The following FKBP9 variants were observed in gnomAD, a reference collection of about 807,000 sequenced individuals.
FKBP9 encodes the protein FKBP prolyl isomerase 9.
In FKBP9, 27 loss-of-function variants were observed where a neutral mutation model predicts 55.6. That is an observed-to-expected ratio of 0.49 (90% CI 0.36 to 0.67). The LOEUF is 0.67. FKBP9 is among the 30% of genes least tolerant of loss of function. The probability of loss-of-function intolerance (pLI) is 0.00; values close to 1 mark genes in which losing one functional copy is unlikely to be tolerated. For missense variants in FKBP9, 539 were observed against 742.8 expected (o/e 0.73, Z 3.19); for synonymous variants, 267 against 296.5 (o/e 0.90, Z 1.02).
intron 1 of FKBP9, among the ~76,000 whole-genome samples, chr7:32,965,843 A>ATATATGTG (rs1309792242): frequency 5.1e-4 from 21 of 41,404 alleles, no homozygotes; most frequent in African/African-American, 2.0e-3. Flanking sequence ...ATATATATAT[A>ATATATGTG]TGTGTGTACA....
intron 5 of FKBP9, among the ~76,000 whole-genome samples, chr7:32,982,415 G>A (rs187837043): frequency 6.6e-6 from 1 of 152,244 alleles, no homozygotes; most frequent in Non-Finnish European, 1.5e-5. Context: ...AGTATTACTA[G>A]GGAACAAGGT....
chr7:32,983,773 T>G (rs1182731950), intron 5 of FKBP9, among the ~76,000 whole-genome samples: 1 of 152,222 alleles, frequency 6.6e-6, no homozygotes, highest in Non-Finnish European at 1.5e-5. Flanking sequence ...GAGAAAACAA[T>G]GATACCTGTG....
intron 5 of FKBP9, 113 bp downstream of exon 5, chr7:32,980,666 T>C: frequency 6.9e-7 from 1 of 1,454,412 alleles, no homozygotes; most frequent in Non-Finnish European, 9.2e-7. Context: ...GTTGGCATTT[T>C]CATCTCTAAT....
At chr7:32,996,393 C>G (rs1784786824) in intron 7 of FKBP9, 44 bp downstream of exon 7, 1 of 1,361,684 alleles carries the variant, frequency 7.3e-7, no homozygotes, top group Non-Finnish European at 1.0e-6. Context: ...TGGAGGGTGA[C>G]AGTTGCATGC....
intron 1 of FKBP9, 71 bp downstream of exon 1, chr7:32,957,865 C>T: frequency 8.7e-7 from 1 of 1,153,032 alleles, no homozygotes. Context: ...GCCTTTCCCT[C>T]CTGCCGGACC....
chr7:33,004,376 C>T (rs1412937540), intron 9 of FKBP9, among the ~76,000 whole-genome samples: 9 of 152,130 alleles, frequency 5.9e-5, no homozygotes, highest in African/African-American at 1.7e-4. Flanking sequence ...ACCTCTTTGC[C>T]GGCTGTCTCC....
intron 4 of FKBP9, chr7:32,979,521 G>T (rs1254656674): frequency 3.9e-6 from 6 of 1,550,498 alleles, no homozygotes; most frequent in Non-Finnish European, 5.2e-6. Context: ...AAGGAGCTCA[G>T]GCTTGGCGGC....
At chr7:32,983,504 A>G (rs1156434268) in intron 5 of FKBP9, among the ~76,000 whole-genome samples, 3 of 137,142 alleles carry the variant, frequency 2.2e-5, no homozygotes, top group Non-Finnish European at 3.1e-5. Flanking sequence ...TGATAGAGAC[A>G]GGGTTTTGCC....
Position 33,001,133 on chromosome 7 carries a change from A to C in FKBP9, c.1372+873A>C, listed in dbSNP as rs2392190. 8.2e-3 allele frequency among the ~76,000 whole-genome samples: 1,248 copies of C among 152,186 alleles called. 12 individuals carry two copies. The highest frequency in any genetic ancestry group is 0.037 in the Middle Eastern group (11 of 294). ...CTGCTGATATCTGGACATGGAGGAG[A>C]TAGGAAGAGCTAACTGGTAACAATG... is the stretch of plus-strand genomic sequence containing the variant. On this transcript the variant is annotated intron_variant, in intron 8 of 9. Transcript: ENST00000242209.
In FKBP9 at chr7:32,990,977, C is replaced by T. The variant is rs186956746; in HGVS notation, c.1039+2325C>T. Reference sequence around the variant, plus strand: ...TGATTGATTAAACCACAACAGATCACAGCTTAAGATCCATTCGACAGGGCT... The same window carrying T: ...TGATTGATTAAACCACAACAGATCATAGCTTAAGATCCATTCGACAGGGCT... On this transcript the variant is annotated intron_variant, in intron 6 of 9. Transcript: ENST00000242209. 3.3e-5 allele frequency among the ~76,000 whole-genome samples: 5 copies of T among 152,310 alleles called. No individual in the cohort carries two copies. The East Asian group carries it at 9.7e-4, about 29-fold the overall frequency.
At chr7:32,960,104 T>C (rs917860894) in intron 1 of FKBP9, among the ~76,000 whole-genome samples, 2 of 134,868 alleles carry the variant, frequency 1.5e-5, no homozygotes, top group Non-Finnish European at 3.1e-5. Context: ...ACACTTGTAC[T>C]TGTCTTTTTT....
chr7:32,965,731 G>A (rs1408159305), intron 1 of FKBP9, among the ~76,000 whole-genome samples: 1 of 144,260 alleles, frequency 6.9e-6, no homozygotes, highest in African/African-American at 2.6e-5. Flanking sequence ...CCGGGAGGTG[G>A]AGGTTGCAGT....
At chr7:32,982,961 G>A (rs1784507860) in intron 5 of FKBP9, among the ~76,000 whole-genome samples, 1 of 149,410 alleles carries the variant, frequency 6.7e-6, no homozygotes, top group Middle Eastern at 3.2e-3. Context: ...TACATCGCTA[G>A]AAGAATCTCT....
intron 1 of FKBP9, among the ~76,000 whole-genome samples, chr7:32,961,202 G>T (rs572601559): frequency 1.1e-4 from 16 of 152,174 alleles, no homozygotes; most frequent in Non-Finnish European, 2.1e-4. Context: ...AAGACCCAAG[G>T]ATGATGAAAA....
In FKBP9 at chr7:32,988,620, C is replaced by T. The variant is rs745430914; in HGVS notation, c.1007C>T (p.Pro336Leu). The T allele has an allele frequency of 2.5e-6, 4 of 1,613,938 alleles. No individual in the cohort carries two copies. The highest frequency in any genetic ancestry group is 2.2e-5 in the East Asian group (1 of 44,882). Residue 336 changes from proline to leucine, a missense_variant, in exon 6 of 10, where the codon CCG becomes CTG. Around this residue, in one of 4 missense-constraint regions of FKBP9, gnomAD observed 172 missense variants for 205.3 expected, o/e 0.84. Transcript: ENST00000242209. The stretch of plus-strand genomic sequence containing the variant: ...GGAGAAAAGCGAAGGATTGTGGTCC[C>T]GCCTCACCTGGGGTATGGAGAGGAA... Reference protein sequence around the residue: ...CIGEKRRIVVPPHLGYGEEGR... With the variant: ...CIGEKRRIVVLPHLGYGEEGR...
chr7:32,972,639 G>A (rs1784275238), intron 1 of FKBP9, among the ~76,000 whole-genome samples: 1 of 152,170 alleles, frequency 6.6e-6, no homozygotes, highest in Admixed American at 6.5e-5. Flanking sequence ...AATATTTCAT[G>A]TATTGCCTTG....
At chr7:32,978,875 G>A (rs770823592) in intron 4 of FKBP9, among the ~76,000 whole-genome samples, 21 of 152,198 alleles carry the variant, frequency 1.4e-4, no homozygotes, top group Non-Finnish European at 2.4e-4. Context: ...GGCTATCCAA[G>A]TATAACTTTA....
chr7:32,964,305 A>G (rs543638192), intron 1 of FKBP9, among the ~76,000 whole-genome samples: 17 of 152,318 alleles, frequency 1.1e-4, no homozygotes, highest in Middle Eastern at 6.8e-3. Flanking sequence ...GCAATTACAC[A>G]TTTATATTAA....
In FKBP9 at chr7:32,996,332, G is replaced by A; in HGVS notation, c.1209G>A (p.Gly403=). The A allele has an allele frequency of 1.2e-6, 2 of 1,613,312 alleles. No homozygotes were observed. The highest frequency in any genetic ancestry group is 1.7e-6 in the Non-Finnish European group (2 of 1,179,418). ...KYHYNASLLD[G]TLLDSTWNLG... ...ACTACAATGCCTCACTTCTGGATGGGACCCTGCTGGACTCCACGTAAGGGC... is the reference window on the plus strand; with the variant it reads ...ACTACAATGCCTCACTTCTGGATGGAACCCTGCTGGACTCCACGTAAGGGC... Residue 403 remains glycine, a synonymous_variant, in exon 7 of 10, where the codon GGG becomes GGA. Transcript: ENST00000242209.
Sources: gnomAD v4.1 joint callset for allele counts (sites outside exome capture counted in the v4.1 genomes callset) on GRCh38, gnomAD v4.1.1 for gene constraint, gnomAD v4.1.1 regional missense constraint, MANE v1.5 for transcripts, NCBI Gene and HGNC (gene_info 2026-07-23, HGNC 2026-07-21) for gene names.